The following FAAP20 variants were observed in gnomAD, a reference collection of about 807,000 sequenced individuals.
FAAP20 encodes Fanconi anemia core complex-associated protein 20.
A neutral mutation model predicts 16.2 loss-of-function variants in FAAP20; 12 were observed. That is an observed-to-expected ratio of 0.74 (90% CI 0.48 to 1.20). FAAP20 has a LOEUF of 1.20. Among genes scored for constraint, FAAP20 ranks in the 50% most tolerant of loss-of-function variants. FAAP20 has a pLI of 0.00. For missense variants in FAAP20, 288 were observed against 245.8 expected, an observed-to-expected ratio of 1.17 and a Z score of -1.15; for synonymous variants, 141 against 110.7, an observed-to-expected ratio of 1.27 and a Z score of -1.72.
At position 2,193,573 on chromosome 1, in the gene FAAP20, T is replaced by C; in HGVS notation, c.470+66A>G. On this transcript the variant is annotated intron_variant, in intron 3 of 3. Coordinates refer to ENST00000378546, the MANE Select transcript of FAAP20 (RefSeq NM_182533.4). ...GCTGAGCTCGGCCACCTCTTGACCT[T>C]CTGAACGGCTGTGGTTTCCAAACAC... 3.8e-6 allele frequency: 6 copies of C among 1,565,238 alleles called. No homozygotes were observed. The South Asian group carries it at 5.8e-5, about 15-fold the overall frequency.
downstream of FAAP20, chr1:2,186,225 C>A: frequency 3.2e-6 from 1 of 314,514 alleles, no homozygotes; most frequent in South Asian, 2.4e-5. Flanking sequence ...TCAGGGGCCG[C>A]TCCACCCCAT....
intron 3 of FAAP20, among the ~76,000 whole-genome samples, chr1:2,205,256 C>G (rs1268080754): frequency 1.7e-5 from 2 of 116,162 alleles, no homozygotes; most frequent in Admixed American, 1.8e-4. Flanking sequence ...CCAGTGCCAC[C>G]GTCCTTCCAG....
At chr1:2,193,286 A>C in intron 3 of FAAP20, 3 of 451,444 alleles carry the variant, frequency 6.6e-6, no homozygotes, top group Non-Finnish European at 1.2e-5. Context: ...CATTTTTAAA[A>C]CCCATGACGC....
At chr1:2,187,204 A>G (rs1185684214), downstream of FAAP20, 1 of 471,264 alleles carries the variant, frequency 2.1e-6, no homozygotes. Flanking sequence ...CATCCATGAA[A>G]GACTTTAATG....
At chr1:2,192,631 T>C (rs993573667) in intron 3 of FAAP20, 20 of 1,169,508 alleles carry the variant, frequency 1.7e-5, no homozygotes, top group Non-Finnish European at 2.1e-5. Context: ...CCTCTGTCCG[T>C]GATTCAGGGT....
intron 3 of FAAP20, chr1:2,190,243 T>C (rs561959541): frequency 2.2e-6 from 1 of 457,560 alleles, no homozygotes; most frequent in South Asian, 1.5e-5. Flanking sequence ...GAATTGGTGT[T>C]TCTGGCGAGG....
downstream of FAAP20, among the ~76,000 whole-genome samples, chr1:2,209,920 AGGGAGCACAGAACCTGTCCT>A (rs1484301157): frequency 6.6e-6 from 1 of 152,192 alleles, no homozygotes; most frequent in African/African-American, 2.4e-5. Context: ...GGTTCCATCC[AGGGAGCACAGAACCTGTCCT>A]GGGCACTGAA....
At chr1:2,210,925 G>A (rs1689417473), downstream of FAAP20, among the ~76,000 whole-genome samples, 1 of 152,256 alleles carries the variant, frequency 6.6e-6, no homozygotes, top group South Asian at 2.1e-4. Context: ...GGGGACCTGG[G>A]CCTGGGCTTA....
At chr1:2,194,550 G>T in intron 1 of FAAP20, 138 bp downstream of exon 1, 1 of 349,580 alleles carries the variant, frequency 2.9e-6, no homozygotes, top group South Asian at 1.2e-4. Flanking sequence ...CGCGGGGTGG[G>T]GCGACGGGCG....
upstream of FAAP20, among the ~76,000 whole-genome samples, chr1:2,195,336 G>T (rs957153879): frequency 6.6e-6 from 1 of 152,224 alleles, no homozygotes; most frequent in Admixed American, 6.5e-5. Context: ...CCCGGGCTCT[G>T]CGACCTCAAA....
downstream of FAAP20, among the ~76,000 whole-genome samples, chr1:2,211,445 T>A (rs1245805993): frequency 8.8e-4 from 56 of 63,636 alleles, no homozygotes; most frequent in Non-Finnish European, 1.1e-3. Context: ...ATTTTTTTTT[T>A]TTTTTTTTTT....
downstream of FAAP20, chr1:2,185,141 A>G (rs766549970): frequency 5.6e-6 from 5 of 895,568 alleles, no homozygotes; most frequent in Non-Finnish European, 8.8e-6. Context: ...GAGACCGCAG[A>G]GGGAAGCGTC....
At chr1:2,193,444 G>A (rs1006027522) in intron 3 of FAAP20, 195 bp downstream of exon 3, 2 of 839,840 alleles carry the variant, frequency 2.4e-6, no homozygotes, top group African/African-American at 1.8e-5. Context: ...CACAGAGCAC[G>A]GCAAGCAGGT....
chr1:2,194,224 G>C (rs1688603898), intron 1 of FAAP20, 91 bp from the exon 2 acceptor site: 2 of 1,502,944 alleles, frequency 1.3e-6, no homozygotes, highest in Admixed American at 4.1e-5. Flanking sequence ...AGAGAGAGCG[G>C]GGAGATGGGG....
At chr1:2,208,938 C>T (rs948290449), downstream of FAAP20, among the ~76,000 whole-genome samples, 7 of 152,214 alleles carry the variant, frequency 4.6e-5, no homozygotes, top group Non-Finnish European at 8.8e-5. Context: ...GAGTCATGGG[C>T]TCAAGCACCT....
downstream of FAAP20, chr1:2,185,556 C>G: frequency 2.8e-6 from 2 of 711,708 alleles, no homozygotes; most frequent in Non-Finnish European, 5.2e-6. Context: ...CCTAAAAACC[C>G]CGGTAAGTTC....
chr1:2,208,318 G>A (rs1048381679), downstream of FAAP20, among the ~76,000 whole-genome samples: 6 of 152,098 alleles, frequency 3.9e-5, no homozygotes, highest in Non-Finnish European at 1.5e-5. Flanking sequence ...CCCGCCTTCT[G>A]GTCTCTTTTC....
At chr1:2,192,896 G>A (rs1350532404) in intron 3 of FAAP20, 8 of 1,302,618 alleles carry the variant, frequency 6.1e-6, no homozygotes, top group Non-Finnish European at 6.1e-6. Context: ...CACCGTGCCC[G>A]GCCTTTTCTT....
chr1:2,185,686 A>G (rs1308768876), downstream of FAAP20, among the ~76,000 whole-genome samples: 1 of 152,216 alleles, frequency 6.6e-6, no homozygotes, highest in Non-Finnish European at 1.5e-5. Flanking sequence ...TGGATCATAG[A>G]GATTCTAAAA....
Sources: gnomAD v4.1 joint callset for allele counts (sites outside exome capture counted in the v4.1 genomes callset) on GRCh38, gnomAD v4.1.1 for gene constraint, MANE v1.5 for transcripts, NCBI Gene and HGNC (gene_info 2026-07-23, HGNC 2026-07-21) for gene names.